VMP1: variants seen among roughly 807,000 people sequenced by gnomAD.
VMP1 encodes vacuole membrane protein 1, also known as ectopic P-granules autophagy protein 3 homolog.
A neutral mutation model predicts 56.0 loss-of-function variants in VMP1; 11 were observed. That is an observed-to-expected ratio of 0.20 (90% CI 0.12 to 0.32). The LOEUF is 0.32. Among genes scored for constraint, VMP1 ranks in the 10% least tolerant of loss-of-function variants. VMP1 has a pLI of 1.00. For missense variants in VMP1, 296 were observed against 490.3 expected (o/e 0.60, Z 3.74); for synonymous variants, 149 against 165.0 (o/e 0.90, Z 0.74).
chr17:59,807,645 C>T (rs1387040159), intron 7 of VMP1, among the ~76,000 whole-genome samples: 7 of 151,728 alleles, frequency 4.6e-5, no homozygotes, highest in Admixed American at 4.6e-4. Context: ...CCAGCTTGAC[C>T]AACATGGTGA....
intron 10 of VMP1, among the ~76,000 whole-genome samples, chr17:59,829,604 G>A (rs2038749462): frequency 1.3e-5 from 2 of 152,094 alleles, no homozygotes; most frequent in South Asian, 2.1e-4. Flanking sequence ...CACTGCCTAG[G>A]GGGTAGGAAG....
intron 7 of VMP1, among the ~76,000 whole-genome samples, chr17:59,782,510 CATCTT>C (rs1489743390): frequency 1.3e-5 from 2 of 152,136 alleles, no homozygotes; most frequent in Non-Finnish European, 2.9e-5. Context: ...TTTCTAGTCA[CATCTT>C]ATTGGTTATG....
At position 59,840,558 on chromosome 17, in the gene VMP1, A is replaced by G. The variant is rs1229650218; in HGVS notation, c.*647A>G. The G allele has an allele frequency of 6.5e-6, 1 of 152,672 alleles. No individual in the cohort carries two copies. The highest frequency in any genetic ancestry group is 1.5e-5 in the Non-Finnish European group (1 of 68,060). The allele number at this position is 152,672 out of a possible 1,614,324, so 9.5% of individuals were successfully genotyped here. ...TGTGTATTTAGAATGAAGTCTTGAAAAAAACTTTATAAAGACATCTTTAAT... is the reference window on the plus strand; with the variant it reads ...TGTGTATTTAGAATGAAGTCTTGAAGAAAACTTTATAAAGACATCTTTAAT... On this transcript the variant is annotated 3_prime_UTR_variant, in exon 12 of 12. Transcript: ENST00000262291.
chr17:59,753,731 G>A (rs1057218001), intron 5 of VMP1, among the ~76,000 whole-genome samples: 4 of 152,100 alleles, frequency 2.6e-5, no homozygotes, highest in African/African-American at 4.8e-5. Flanking sequence ...AAAAACGATC[G>A]ACAATCATTT....
intron 6 of VMP1, among the ~76,000 whole-genome samples, chr17:59,770,351 T>C (rs1242457467): frequency 6.6e-6 from 1 of 152,214 alleles, no homozygotes; most frequent in Non-Finnish European, 1.5e-5. Context: ...GAATTTAATA[T>C]ACTCTCACTC....
At chr17:59,807,604 G>A (rs915001867) in intron 7 of VMP1, among the ~76,000 whole-genome samples, 11 of 152,068 alleles carry the variant, frequency 7.2e-5, no homozygotes, top group South Asian at 4.1e-4. Context: ...AGGCCGAGGC[G>A]AGCTGATCAC....
chr17:59,759,519 C>CT (rs1004089363), intron 5 of VMP1, among the ~76,000 whole-genome samples: 1 of 152,130 alleles, frequency 6.6e-6, no homozygotes, highest in African/African-American at 2.4e-5. Context: ...AGAATTAGAC[C>CT]TTTTATCATT....
intron 7 of VMP1, among the ~76,000 whole-genome samples, chr17:59,789,996 T>G (rs373601272): frequency 1.6e-4 from 24 of 151,776 alleles, no homozygotes; most frequent in African/African-American, 5.8e-4. Context: ...CACGCCACCA[T>G]GCCCGGCTGT....
chr17:59,719,751 T>C (rs1328336433), intron 1 of VMP1, among the ~76,000 whole-genome samples: 1 of 152,188 alleles, frequency 6.6e-6, no homozygotes, highest in East Asian at 1.9e-4. Flanking sequence ...GAATGGAGTA[T>C]TATAGTCTTA....
At chr17:59,785,580 C>T (rs1421493004) in intron 7 of VMP1, among the ~76,000 whole-genome samples, 1 of 150,822 alleles carries the variant, frequency 6.6e-6, no homozygotes, top group Non-Finnish European at 1.5e-5. Flanking sequence ...ATCCCAGCTA[C>T]TTGGGAGGCT....
chr17:59,816,602 G>A (rs1286080486), intron 9 of VMP1, among the ~76,000 whole-genome samples: 1 of 152,042 alleles, frequency 6.6e-6, no homozygotes, highest in Non-Finnish European at 1.5e-5. Context: ...TCAGGAGATC[G>A]AGACCATCCT....
intron 10 of VMP1, among the ~76,000 whole-genome samples, chr17:59,820,688 G>A (rs1260648956): frequency 6.6e-6 from 1 of 152,156 alleles, no homozygotes; most frequent in Non-Finnish European, 1.5e-5. Flanking sequence ...CTGTTAACCT[G>A]TAAGCTTCTC....
chr17:59,798,379 A>G (rs1209366761), intron 7 of VMP1, among the ~76,000 whole-genome samples: 1 of 152,176 alleles, frequency 6.6e-6, no homozygotes, highest in African/African-American at 2.4e-5. Flanking sequence ...GAAAAGTGTA[A>G]TTTGGATAAA....
intron 2 of VMP1, among the ~76,000 whole-genome samples, chr17:59,732,782 G>A (rs112137349): frequency 1.2e-4 from 18 of 152,066 alleles, no homozygotes; most frequent in African/African-American, 4.3e-4. Flanking sequence ...CACCCCATTG[G>A]AATTTAAAAT....
intron 7 of VMP1, among the ~76,000 whole-genome samples, chr17:59,788,637 T>C (rs2037097556): frequency 6.6e-6 from 1 of 151,926 alleles, no homozygotes; most frequent in Non-Finnish European, 1.5e-5. Context: ...AAACCCCGTC[T>C]CTACTAAAAC....
At position 59,716,287 on chromosome 17, in the gene VMP1, G is replaced by A. The variant is rs147308595; in HGVS notation, c.-27+8539G>A. On this transcript the variant is annotated intron_variant, in intron 1 of 11. Coordinates refer to ENST00000262291, the MANE Select transcript of VMP1 (RefSeq NM_030938.5). ...AGTTATACAAGTGCAAATGCCCCAGGTATTTAGGGACAGTAAAGTAGGGAG... is the reference window on the plus strand; with the variant it reads ...AGTTATACAAGTGCAAATGCCCCAGATATTTAGGGACAGTAAAGTAGGGAG... Among the ~76,000 whole-genome samples, 363 of 152,272 alleles carry A rather than the reference G, an allele frequency of 2.4e-3. 1 individual carries two copies. The highest frequency in any genetic ancestry group is 0.014 in the Middle Eastern group (4 of 294).
At chr17:59,789,149 G>A (rs1267307314) in intron 7 of VMP1, among the ~76,000 whole-genome samples, 1 of 151,354 alleles carries the variant, frequency 6.6e-6, no homozygotes, top group East Asian at 1.9e-4. Context: ...AATTAGCCTG[G>A]CGTGGTGGCA....
chr17:59,757,058 C>G (rs1478147169), intron 5 of VMP1, among the ~76,000 whole-genome samples: 1 of 152,116 alleles, frequency 6.6e-6, no homozygotes, highest in Non-Finnish European at 1.5e-5. Flanking sequence ...AGTGTACATA[C>G]TGATTTATCA....
chr17:59,732,473 C>T (rs2034864559), intron 2 of VMP1, among the ~76,000 whole-genome samples: 1 of 152,178 alleles, frequency 6.6e-6, no homozygotes. Flanking sequence ...GAACTCCTGA[C>T]CTCGGGTGAT....
Sources: gnomAD v4.1 joint callset for allele counts (sites outside exome capture counted in the v4.1 genomes callset) on GRCh38, gnomAD v4.1.1 for gene constraint, MANE v1.5 for transcripts, NCBI Gene and HGNC (gene_info 2026-07-23, HGNC 2026-07-21) for gene names.